The following TMEM120B variants were observed in gnomAD, a reference collection of about 807,000 sequenced individuals.
The protein encoded by TMEM120B is transmembrane protein 120B.
A neutral mutation model predicts 55.5 loss-of-function variants in TMEM120B; 31 were observed. The observed-to-expected ratio is 0.56, with a 90% confidence interval of 0.42 to 0.75. TMEM120B has a LOEUF of 0.75. TMEM120B is among the 30% of genes least tolerant of loss of function. TMEM120B has a pLI of 0.00. For missense variants in TMEM120B, 399 were observed against 425.5 expected, an observed-to-expected ratio of 0.94 and a Z score of 0.55; for synonymous variants, 203 against 176.3, an observed-to-expected ratio of 1.15 and a Z score of -1.20.
intron 7 of TMEM120B, among the ~76,000 whole-genome samples, chr12:121,771,275 T>TAGCGCTTCTGCACGGCCATGTGGACCC (rs1874043617): frequency 1.3e-5 from 2 of 152,014 alleles, no homozygotes; most frequent in African/African-American, 4.8e-5. Context: ...CACAGGGAGT[T>TAGCGCTTCTGCACGGCCATGTGGACCC]AGCGCTTCTG....
intron 1 of TMEM120B, among the ~76,000 whole-genome samples, chr12:121,735,584 A>G (rs1298888964): frequency 6.6e-6 from 1 of 151,780 alleles, no homozygotes; most frequent in African/African-American, 2.4e-5. Flanking sequence ...TTTTTAGTAG[A>G]GATAGGGTTT....
In TMEM120B at chr12:121,775,811, C is replaced by A; in HGVS notation, c.*89C>A. 7.0e-7 allele frequency: 1 copy of A among 1,423,326 alleles called. No individual in the cohort carries two copies. The highest frequency in any genetic ancestry group is 9.7e-7 in the Non-Finnish European group (1 of 1,026,710). The allele number at this position is 1,423,326 out of a possible 1,614,324, so 88.2% of individuals were successfully genotyped here. A position where few individuals can be genotyped will look rare whatever the true frequency, so the allele number is the denominator to read the frequency against. On this transcript the variant is annotated 3_prime_UTR_variant, in exon 12 of 12. Transcript: ENST00000449592. The surrounding 1 kb of genome is among the most constrained non-coding windows in gnomAD (Gnocchi z 4.3). ...AGCAGCCCTCTCAGGCCCGTGGCAT[C>A]GCTGGGAGAGGGCCCAGGCCCTGGT...
At chr12:121,754,990 G>T (rs1335288059) in intron 5 of TMEM120B, among the ~76,000 whole-genome samples, 2 of 151,854 alleles carry the variant, frequency 1.3e-5, no homozygotes, top group South Asian at 4.2e-4. Flanking sequence ...TGGCAGGGCA[G>T]CTTGGAGGGC....
intron 2 of TMEM120B, among the ~76,000 whole-genome samples, chr12:121,744,397 GAGA>G (rs1227034928): frequency 3.3e-5 from 5 of 152,212 alleles, no homozygotes; most frequent in Admixed American, 3.3e-4. Flanking sequence ...TGGGTGATGG[GAGA>G]AGAAGATAAG....
At position 121,779,413 on chromosome 12, in the gene TMEM120B, T is replaced by G. The variant is rs1249805736; in HGVS notation, c.*3691T>G. On this transcript the variant is annotated 3_prime_UTR_variant, in exon 12 of 12. Transcript: ENST00000449592. ...GCCCCAGACACCATGAGCTGGAGGG[T>G]CGGGATGGGGCAGCCTCCCTGGTGC... 4 of 1,440,310 alleles carry G rather than the reference T, an allele frequency of 2.8e-6. No individual in the cohort carries two copies. Among genetic ancestry groups the G allele is most frequent in the East Asian group, 4.6e-5 (2 of 43,392 alleles). The allele number at this position is 1,440,310 out of a possible 1,614,324, so 89.2% of individuals were successfully genotyped here.
At chr12:121,772,317 A>T (rs1054816211) in intron 8 of TMEM120B, among the ~76,000 whole-genome samples, 1 of 151,800 alleles carries the variant, frequency 6.6e-6, no homozygotes, top group Non-Finnish European at 1.5e-5. Context: ...TTTAATAAAG[A>T]TGAGATTTCA....
chr12:121,737,189 A>G (rs1872771414), intron 1 of TMEM120B, among the ~76,000 whole-genome samples: 1 of 152,096 alleles, frequency 6.6e-6, no homozygotes, highest in African/African-American at 2.4e-5. Flanking sequence ...GGCATAATAA[A>G]GAATAGGTGA....
At chr12:121,762,761 C>G (rs913011154) in intron 6 of TMEM120B, among the ~76,000 whole-genome samples, 9 of 152,264 alleles carry the variant, frequency 5.9e-5, no homozygotes, top group Non-Finnish European at 4.4e-5. Context: ...GATATTAGGC[C>G]AAACCTGCCC....
intron 8 of TMEM120B, among the ~76,000 whole-genome samples, chr12:121,772,725 A>G (rs905269424): frequency 2.0e-5 from 3 of 152,208 alleles, no homozygotes; most frequent in African/African-American, 7.2e-5. Context: ...GCCTGGCTGT[A>G]TTGACTTTTC....
In TMEM120B at chr12:121,761,629, G is replaced by C. The variant is rs1323662539; in HGVS notation, c.462-20G>C. 6 of 1,607,618 alleles carry C rather than the reference G, an allele frequency of 3.7e-6. No homozygotes were observed. The highest frequency in any genetic ancestry group is 5.1e-6 in the Non-Finnish European group (6 of 1,174,460). On this transcript the variant is annotated intron_variant, in intron 5 of 11. Transcript: ENST00000449592. ...GGTTCTCACGCCCGCACCCCTCCCG[G>C]GGGCTGTTTCCTTGCACAGGGTGAC...
chr12:121,775,630 T>G lies in TMEM120B; in HGVS notation c.928T>G (p.Phe310Val). ...CCAGGTGTTCGTACTGGCGTTCACC[T>G]TCCTCATCCTCTTCCTCGGCAACTT... ...EWQVFVLAFT[F>V]LILFLGNFLT... The change falls in exon 12 of 12, where the codon TTC becomes GTC. Residue 310 changes from phenylalanine to valine, a missense_variant. Around this residue, in one of 3 missense-constraint regions of TMEM120B, gnomAD observed 260 missense variants for 303.9 expected, o/e 0.86. Transcript: ENST00000449592. This position sits in a 1 kb window ranked among gnomAD's most constrained non-coding sequence, Gnocchi z 4.3. 6.2e-7 allele frequency: 1 copy of G among 1,613,924 alleles called. No individual in the cohort carries two copies. Among genetic ancestry groups the G allele is most frequent in the South Asian group, 1.1e-5 (1 of 91,086 alleles).
intron 6 of TMEM120B, among the ~76,000 whole-genome samples, chr12:121,769,652 A>G (rs1873967062): frequency 6.6e-6 from 1 of 152,046 alleles, no homozygotes; most frequent in South Asian, 2.1e-4. Flanking sequence ...GCAGTGAGCC[A>G]TGATTGCACC....
rs551918332 is a variant in TMEM120B at position 121,775,460 on chromosome 12, C to T, written c.907-149C>T. 3.5e-6 allele frequency: 5 copies of T among 1,442,080 alleles called. No individual in the cohort carries two copies. In the African/African-American group the frequency reaches 4.3e-5, roughly 12 times the overall value. 89.3% of individuals were successfully genotyped at this position (1,442,080 alleles called of 1,614,324 possible). A position where few individuals can be genotyped will look rare whatever the true frequency, so the allele number is the denominator to read the frequency against. ...GCCCAAGCCTGAGGCCTCACCCTTC[C>T]CCCAGGTCTCCTGAATCTCTGCCTT... On this transcript the variant is annotated intron_variant, in intron 11 of 11. Coordinates refer to ENST00000449592, the MANE Select transcript of TMEM120B (RefSeq NM_001080825.2). The surrounding 1 kb of genome is among the most constrained non-coding windows in gnomAD (Gnocchi z 4.3).
chr12:121,746,853 G>T (rs1704215290), intron 2 of TMEM120B, among the ~76,000 whole-genome samples: 1 of 151,942 alleles, frequency 6.6e-6, no homozygotes, highest in Non-Finnish European at 1.5e-5. Flanking sequence ...AGCTACTTGG[G>T]AGGCTGAGGC....
intron 8 of TMEM120B, among the ~76,000 whole-genome samples, chr12:121,772,161 C>G (rs950653904): frequency 6.7e-5 from 10 of 150,172 alleles, no homozygotes; most frequent in African/African-American, 2.5e-4. Context: ...TGGAGTCTTG[C>G]TCTGTTGCCC....
At chr12:121,763,735 G>A (rs1481544057) in intron 6 of TMEM120B, among the ~76,000 whole-genome samples, 4 of 152,188 alleles carry the variant, frequency 2.6e-5, no homozygotes, top group South Asian at 2.1e-4. Context: ...GAGCCACCGC[G>A]CCCTGCCAAC....
intron 1 of TMEM120B, among the ~76,000 whole-genome samples, chr12:121,733,111 C>A (rs1013679831): frequency 6.6e-6 from 1 of 152,074 alleles, no homozygotes; most frequent in African/African-American, 2.4e-5. Context: ...GGATACTATT[C>A]TTTTGCATTG....
At chr12:121,740,713 A>G (rs907624702) in intron 1 of TMEM120B, among the ~76,000 whole-genome samples, 2 of 152,064 alleles carry the variant, frequency 1.3e-5, no homozygotes, top group African/African-American at 4.8e-5. Flanking sequence ...CATGCAGTTG[A>G]AACCCGTGTC....
intron 8 of TMEM120B, 50 bp downstream of exon 8, chr12:121,771,599 CTT>C (rs1172439882): frequency 3.8e-6 from 6 of 1,569,688 alleles, no homozygotes; most frequent in Non-Finnish European, 4.4e-6. Context: ...TTTTCTGAGA[CTT>C]TCACCAAGGG....
Sources: gnomAD v4.1 joint callset for allele counts (sites outside exome capture counted in the v4.1 genomes callset) on GRCh38, gnomAD v4.1.1 for gene constraint, gnomAD v4.1.1 regional missense constraint, Gnocchi (gnomAD v3.1) non-coding constraint, MANE v1.5 for transcripts, NCBI Gene and HGNC (gene_info 2026-07-23, HGNC 2026-07-21) for gene names.